The following FOLH1 variants were observed in gnomAD, a reference collection of about 807,000 sequenced individuals.
FOLH1 encodes the protein folate hydrolase 1.
In FOLH1, 54 loss-of-function variants were observed where a neutral mutation model predicts 93.9. The observed-to-expected ratio is 0.57, with a 90% CI of 0.46 to 0.72. The LOEUF (loss-of-function observed/expected upper bound fraction) is 0.72, where lower values mean the gene tolerates loss of function less well. Among genes scored for constraint, FOLH1 ranks in the 30% least tolerant of loss-of-function variants. The pLI, the probability that FOLH1 is intolerant of heterozygous loss-of-function variation, is 0.00. For synonymous variants in FOLH1, 249 were observed against 303.6 expected (o/e 0.82, Z 1.87); for missense variants, 571 against 892.5 (o/e 0.64, Z 4.59).
chr11:49,170,353 G>A (rs1410881254), intron 11 of FOLH1, among the ~76,000 whole-genome samples: 2 of 152,096 alleles, frequency 1.3e-5, no homozygotes, highest in African/African-American at 4.8e-5. Context: ...GGTGACGCAC[G>A]CCTGTATTCC....
Position 49,170,672 on chromosome 11 carries a change from G to T in FOLH1, c.1308+523C>A, listed in dbSNP as rs3904245. 5.9e-5 allele frequency among the ~76,000 whole-genome samples: 9 copies of T among 151,330 alleles called. No homozygotes were observed. In the South Asian group the frequency reaches 1.7e-3, roughly 28 times the overall value. On this transcript the variant is annotated intron_variant, in intron 11 of 18. Coordinates refer to ENST00000256999, the MANE Select transcript of FOLH1 (RefSeq NM_004476.3). ...TAGAATCATGATAGAAATCAAACATGATACAGGAAAATTTGGCTTCATGGT... is the reference window on the plus strand; with the variant it reads ...TAGAATCATGATAGAAATCAAACATTATACAGGAAAATTTGGCTTCATGGT...
At chr11:49,166,034 A>T (rs1590494554) in intron 12 of FOLH1, among the ~76,000 whole-genome samples, 1 of 152,342 alleles carries the variant, frequency 6.6e-6, no homozygotes, top group Admixed American at 6.5e-5. Flanking sequence ...ATAAAATAAT[A>T]TTAACCACAA....
intron 17 of FOLH1, 148 bp downstream of exon 17, chr11:49,153,698 A>G (rs1856703216): frequency 2.0e-6 from 1 of 503,868 alleles, no homozygotes; most frequent in Middle Eastern, 4.4e-4. Flanking sequence ...CTGTCCATGT[A>G]TCCAGCAACT....
In FOLH1 at chr11:49,145,730, T is replaced by A. The variant is rs543355101; in HGVS notation, c.*1026A>T. The stretch of plus-strand genomic sequence containing the variant: ...CTGCTCATCACATATTCTTGAGACT[T>A]CTCTTTACATATTACTAGACAATAT... On this transcript the variant is annotated 3_prime_UTR_variant, in exon 19 of 19. Coordinates refer to ENST00000256999, the MANE Select transcript of FOLH1 (RefSeq NM_004476.3). 2.0e-5 allele frequency among the ~76,000 whole-genome samples: 3 copies of A among 152,284 alleles called. No individual in the cohort carries two copies. In the South Asian group the frequency reaches 6.2e-4, roughly 32 times the overall value.
At chr11:49,153,083 G>A (rs1487779813) in intron 17 of FOLH1, among the ~76,000 whole-genome samples, 1 of 151,870 alleles carries the variant, frequency 6.6e-6, no homozygotes, top group Admixed American at 6.6e-5. Context: ...TCAGCTCCTG[G>A]GGATTTGATA....
At chr11:49,197,264 AT>A (rs1418557939) in intron 3 of FOLH1, among the ~76,000 whole-genome samples, 1 of 152,180 alleles carries the variant, frequency 6.6e-6, no homozygotes, top group Non-Finnish European at 1.5e-5. Context: ...GCCACACTGA[AT>A]TTTACAGCAA....
intron 2 of FOLH1, among the ~76,000 whole-genome samples, chr11:49,201,948 A>C (rs1590697837): frequency 6.6e-6 from 1 of 152,346 alleles, no homozygotes; most frequent in East Asian, 1.9e-4. Flanking sequence ...CTAGGAAACA[A>C]CATTTTGCTA....
intron 15 of FOLH1, among the ~76,000 whole-genome samples, chr11:49,155,837 A>T (rs1398925730): frequency 7.3e-5 from 3 of 41,304 alleles, no homozygotes; most frequent in South Asian, 1.2e-3. Context: ...TATATATATA[A>T]TCAACAACAA....
chr11:49,149,232 G>A (rs760764012), intron 17 of FOLH1, among the ~76,000 whole-genome samples: 22 of 152,010 alleles, frequency 1.4e-4, no homozygotes, highest in African/African-American at 3.9e-4. Context: ...TTGATCTCTC[G>A]GTATAATGAT....
intron 7 of FOLH1, among the ~76,000 whole-genome samples, chr11:49,182,828 C>A (rs1482141011): frequency 1.3e-5 from 2 of 152,020 alleles, no homozygotes; most frequent in Non-Finnish European, 2.9e-5. Flanking sequence ...TGAGTCATTG[C>A]CCGAGAACAC....
At chr11:49,153,705 A>G in intron 17 of FOLH1, 141 bp downstream of exon 17, 1 of 530,546 alleles carries the variant, frequency 1.9e-6, no homozygotes, top group Non-Finnish European at 3.1e-6. Context: ...TGTATCCAGC[A>G]ACTTAAAGTA....
At chr11:49,164,920 T>C in intron 12 of FOLH1, 148 bp from the exon 13 acceptor site, 2 of 677,078 alleles carry the variant, frequency 3.0e-6, no homozygotes, top group Non-Finnish European at 5.1e-6. Flanking sequence ...ACTAACTCTG[T>C]AAAGTCCATC....
chr11:49,206,691 A>G, intron 1 of FOLH1: 1 of 1,331,600 alleles, frequency 7.5e-7, no homozygotes, highest in Non-Finnish European at 1.0e-6. Flanking sequence ...TCTGAAACTA[A>G]AACAAAATGC....
Position 49,157,934 on chromosome 11 carries a change from C to T in FOLH1, c.1532+18G>A, listed in dbSNP as rs1590441428. 6.5e-7 allele frequency: 1 copy of T among 1,549,762 alleles called. No homozygotes were observed. Among genetic ancestry groups the T allele is most frequent in the Non-Finnish European group, 8.8e-7 (1 of 1,140,880 alleles). On this transcript the variant is annotated intron_variant, in intron 14 of 18. Transcript: ENST00000256999. Reference sequence around the variant, plus strand: ...AATCCCACACTGAATTCAGTGGAAACTTCATTCATTTGTTTACCTGGGCAT... The same window carrying T: ...AATCCCACACTGAATTCAGTGGAAATTTCATTCATTTGTTTACCTGGGCAT...
intron 7 of FOLH1, among the ~76,000 whole-genome samples, chr11:49,179,600 A>T (rs187996485): frequency 1.5e-4 from 23 of 152,344 alleles, no homozygotes; most frequent in African/African-American, 5.5e-4. Context: ...GAGATGCAGC[A>T]AAAACAGTGC....
chr11:49,170,435 C>T (rs1859116968), intron 11 of FOLH1, among the ~76,000 whole-genome samples: 1 of 152,216 alleles, frequency 6.6e-6, no homozygotes, highest in Non-Finnish European at 1.5e-5. Flanking sequence ...GCCAACACAG[C>T]AAAACCCTGT....
chr11:49,206,601 GAATT>G (rs1565224214), intron 1 of FOLH1, among the ~76,000 whole-genome samples: 2 of 152,164 alleles, frequency 1.3e-5, no homozygotes, highest in Admixed American at 6.5e-5. Flanking sequence ...TTTTTATAAC[GAATT>G]AATTATGAAT....
chr11:49,172,414 A>G (rs547410227), intron 10 of FOLH1, among the ~76,000 whole-genome samples: 1 of 152,290 alleles, frequency 6.6e-6, no homozygotes, highest in African/African-American at 2.4e-5. Flanking sequence ...GAGGACTGGT[A>G]GTGAGAAATT....
intron 6 of FOLH1, among the ~76,000 whole-genome samples, chr11:49,184,983 T>C (rs1278687274): frequency 1.3e-5 from 2 of 152,280 alleles, no homozygotes; most frequent in African/African-American, 4.8e-5. Context: ...CTCACTTTCC[T>C]CCCTGTGAAT....
Sources: allele counts gnomAD v4.1 joint callset (sites outside exome capture counted in the v4.1 genomes callset), GRCh38; gene constraint gnomAD v4.1.1; transcripts MANE v1.5; gene names NCBI Gene and HGNC (gene_info 2026-07-23, HGNC 2026-07-21).